CNTN5: variants seen among roughly 807,000 people sequenced by gnomAD.
CNTN5 encodes the protein contactin-5.
In CNTN5, 77 loss-of-function variants were observed where a neutral mutation model predicts 129.1. The observed-to-expected ratio is 0.60, with a 90% CI of 0.50 to 0.72. The LOEUF (loss-of-function observed/expected upper bound fraction) is 0.72. Among genes scored for constraint, CNTN5 ranks in the 30% least tolerant of loss-of-function variants. The probability of loss-of-function intolerance (pLI) is 0.00; values close to 1 mark genes in which losing one functional copy is unlikely to be tolerated. For missense variants in CNTN5, 1,478 were observed against 1,328.8 expected (o/e 1.11, Z -1.75); for synonymous variants, 509 against 465.6 (o/e 1.09, Z -1.20).
chr11:99,535,935 C>A (rs1302960638), intron 2 of CNTN5, among the ~76,000 whole-genome samples: 1 of 151,956 alleles, frequency 6.6e-6, no homozygotes, highest in Non-Finnish European at 1.5e-5. Context: ...CATGTTAATT[C>A]TGATTAGTTT....
chr11:99,325,102 G>A (rs778421972), intron 1 of CNTN5, among the ~76,000 whole-genome samples: 28 of 151,988 alleles, frequency 1.8e-4, no homozygotes, highest in Non-Finnish European at 3.7e-4. Flanking sequence ...TGTAAGCTTA[G>A]AGTGACATTA....
intron 2 of CNTN5, among the ~76,000 whole-genome samples, chr11:99,372,511 G>A (rs11219665): frequency 0.23 from 34,699 of 151,960 alleles, 4,763 homozygotes; most frequent in Middle Eastern, 0.32. Flanking sequence ...CTGGCACAAC[G>A]GACAACCTCT....
At chr11:99,774,529 T>A (rs537091059) in intron 3 of CNTN5, among the ~76,000 whole-genome samples, 1 of 151,774 alleles carries the variant, frequency 6.6e-6, no homozygotes, top group Non-Finnish European at 1.5e-5. Context: ...AGAAACAAGT[T>A]AAAAACAGAC....
chr11:99,602,349 T>G (rs1950339806), intron 3 of CNTN5, among the ~76,000 whole-genome samples: 1 of 152,136 alleles, frequency 6.6e-6, no homozygotes, highest in Admixed American at 6.6e-5. Flanking sequence ...GAAATAGTAC[T>G]TGTTAACTTA....
At chr11:100,070,370 G>C in intron 10 of CNTN5, 54 bp from the exon 11 acceptor site, 3 of 1,538,818 alleles carry the variant, frequency 1.9e-6, no homozygotes, top group East Asian at 4.6e-5. Flanking sequence ...TTTTAAACTT[G>C]GTAAAGCGTT....
At chr11:100,079,130 A>G (rs1944261804) in intron 13 of CNTN5, among the ~76,000 whole-genome samples, 2 of 152,150 alleles carry the variant, frequency 1.3e-5, no homozygotes, top group Admixed American at 6.6e-5. Flanking sequence ...CCCGTGATTC[A>G]GTTACCTCTA....
At position 99,455,914 on chromosome 11, in the gene CNTN5, A is replaced by G. The variant is rs140372490; in HGVS notation, c.-70-100231A>G. Among the ~76,000 whole-genome samples the G allele has an allele frequency of 2.6e-3, 389 of 152,248 alleles. 2 individuals carry two copies. Among genetic ancestry groups the G allele is most frequent in the African/African-American group, 8.0e-3 (332 of 41,574 alleles). On this transcript the variant is annotated intron_variant, in intron 2 of 24. Transcript: ENST00000524871. ...CCTATAGCATCTTTTCAAGCCCAGT[A>G]TCTTTTACTTTTATTCCCAAAGGAT...
In CNTN5 at chr11:99,533,440, A is replaced by G. The variant is rs1362002851; in HGVS notation, c.-70-22705A>G. On this transcript the variant is annotated intron_variant, in intron 2 of 24. Transcript: ENST00000524871. The stretch of plus-strand genomic sequence containing the variant: ...TGTATTTTGATTGGTCAATGTAAAT[A>G]CCACTCAGTCTCTTGTAAATCTTGC... 3.3e-5 allele frequency among the ~76,000 whole-genome samples: 5 copies of G among 152,350 alleles called. No homozygotes were observed. The South Asian group carries it at 8.3e-4, about 25-fold the overall frequency.
At chr11:100,118,881 C>T (rs1945923898) in intron 13 of CNTN5, among the ~76,000 whole-genome samples, 1 of 151,768 alleles carries the variant, frequency 6.6e-6, no homozygotes, top group East Asian at 1.9e-4. Context: ...AAGCATTATT[C>T]ACATAAAGTT....
At chr11:99,873,099 A>AG (rs35987985) in intron 6 of CNTN5, among the ~76,000 whole-genome samples, 152,145 of 152,148 alleles carry the variant, frequency 1, 76,071 homozygotes, top group Middle Eastern at 1. Flanking sequence ...ACTGCCACCC[A>AG]GGCAGGAGCT....
chr11:100,332,641 T>C lies in CNTN5; in HGVS notation c.2731-7822T>C, dbSNP rs548058197. On this transcript the variant is annotated intron_variant, in intron 21 of 24. Transcript: ENST00000524871. ...GGGTTTCATACCAGGGATACAGGGA[T>C]AGTTTAACACGTAAGTCAGTAAATG... Among the ~76,000 whole-genome samples, 14 of 152,248 alleles carry C rather than the reference T, an allele frequency of 9.2e-5. No homozygotes were observed. The East Asian group carries it at 2.7e-3, about 29-fold the overall frequency.
chr11:99,587,630 T>C (rs1949841037), intron 3 of CNTN5, among the ~76,000 whole-genome samples: 1 of 152,176 alleles, frequency 6.6e-6, no homozygotes, highest in African/African-American at 2.4e-5. Flanking sequence ...GAAAGATGTG[T>C]GTGGGAGTGA....
intron 18 of CNTN5, among the ~76,000 whole-genome samples, chr11:100,291,943 C>T (rs1360300650): frequency 6.6e-6 from 1 of 151,858 alleles, no homozygotes; most frequent in East Asian, 1.9e-4. Flanking sequence ...CTCCACTATG[C>T]TCAATGTGAT....
At chr11:99,202,167 G>A (rs749523566) in intron 1 of CNTN5, among the ~76,000 whole-genome samples, 2 of 151,910 alleles carry the variant, frequency 1.3e-5, no homozygotes, top group Non-Finnish European at 1.5e-5. Context: ...AATAGTTTGG[G>A]GCTTTAAAAA....
intron 3 of CNTN5, among the ~76,000 whole-genome samples, chr11:99,647,116 C>T (rs1344799576): frequency 6.6e-6 from 1 of 152,056 alleles, no homozygotes; most frequent in Admixed American, 6.6e-5. Context: ...AGATCAGTTT[C>T]CTGAAGCATT....
chr11:99,383,888 C>A (rs1940758842), intron 2 of CNTN5, among the ~76,000 whole-genome samples: 1 of 152,108 alleles, frequency 6.6e-6, no homozygotes, highest in South Asian at 2.1e-4. Flanking sequence ...TACAGCACTG[C>A]CATGGTTGAT....
chr11:100,049,060 T>C (rs1942831138), intron 9 of CNTN5, among the ~76,000 whole-genome samples: 1 of 152,092 alleles, frequency 6.6e-6, no homozygotes, highest in African/African-American at 2.4e-5. Flanking sequence ...CCACAAGAAA[T>C]GTTAAGGAAA....
intron 9 of CNTN5, among the ~76,000 whole-genome samples, chr11:100,049,307 G>A (rs181693644): frequency 1.5e-4 from 23 of 151,888 alleles, no homozygotes; most frequent in South Asian, 2.1e-4. Flanking sequence ...AAGGAGAACC[G>A]GTAAGCATAA....
chr11:99,338,492 C>T (rs569031590), intron 2 of CNTN5, among the ~76,000 whole-genome samples: 6 of 152,112 alleles, frequency 3.9e-5, no homozygotes, highest in African/African-American at 1.4e-4. Flanking sequence ...AACAGTTGTT[C>T]GTTTTGGGGA....
Sources: allele counts gnomAD v4.1 joint callset (sites outside exome capture counted in the v4.1 genomes callset), GRCh38; gene constraint gnomAD v4.1.1; transcripts MANE v1.5; gene names NCBI Gene and HGNC (gene_info 2026-07-23, HGNC 2026-07-21).